The following HGSNAT variants were observed in gnomAD, a reference collection of about 807,000 sequenced individuals.
The protein encoded by HGSNAT is transmembrane protein 76.
A neutral mutation model predicts 85.2 loss-of-function variants in HGSNAT; 59 were observed. That is an observed-to-expected ratio of 0.69 (90% CI 0.56 to 0.86). The LOEUF (loss-of-function observed/expected upper bound fraction) is 0.86, where lower values mean the gene tolerates loss of function less well. HGSNAT is among the 40% of genes least tolerant of loss of function. HGSNAT has a pLI of 0.00. For synonymous variants in HGSNAT, 321 were observed against 304.5 expected, an observed-to-expected ratio of 1.05 and a Z score of -0.56; for missense variants, 756 against 777.1, an observed-to-expected ratio of 0.97 and a Z score of 0.32.
chr8:43,165,264 GTAAT>G (rs1803398688), intron 5 of HGSNAT, among the ~76,000 whole-genome samples: 1 of 151,986 alleles, frequency 6.6e-6, no homozygotes, highest in African/African-American at 2.4e-5. Context: ...TGCTCCTACT[GTAAT>G]TGTTTTGGGA....
chr8:43,155,586 C>CT (rs1803065358), intron 2 of HGSNAT, among the ~76,000 whole-genome samples: 2 of 152,066 alleles, frequency 1.3e-5, no homozygotes, highest in Admixed American at 6.6e-5. Flanking sequence ...TGTGCATAGG[C>CT]TTTTTTACTT....
In HGSNAT at chr8:43,197,695, G is replaced by A. The variant is rs759205088; in HGVS notation, c.1566G>A (p.Thr522=). 1.2e-5 allele frequency: 20 copies of A among 1,613,056 alleles called. No homozygotes were observed. The highest frequency in any genetic ancestry group is 8.8e-5 in the South Asian group (8 of 91,064). ...CILGLISVAL[T]KVSENEGFIP... The stretch of plus-strand genomic sequence containing the variant: ...AGGGGCTCATTTCTGTTGCTCTGAC[G>A]AAGGTTTCTGAAAATGAAGGCTTTA... Residue 522 remains threonine (T), a synonymous_variant, in exon 16 of 18, where the codon ACG becomes ACA. Coordinates refer to ENST00000379644, the MANE Select transcript of HGSNAT (RefSeq NM_152419.3).
rs2130766732 is a variant in HGSNAT, at chr8:43,178,228, G to T, written c.1006G>T (p.Gly336Cys). The change falls in exon 10 of 18, where the codon GGT (glycine) becomes TGT (cysteine). Residue 336 changes from glycine to cysteine, a missense_variant. Transcript: ENST00000379644. ...CATTGTGAATCCCAATTATTGCCTT[G>T]GTCCATGTAAGTACTTTTTCCCTCT... is the stretch of plus-strand genomic sequence containing the variant. ...IIIVNPNYCL[G>C]PLSWDKVRIP... The T allele has an allele frequency of 1.3e-6, 2 of 1,527,812 alleles. No homozygotes were observed. Among genetic ancestry groups the T allele is most frequent in the Non-Finnish European group, 1.8e-6 (2 of 1,141,172 alleles). 94.6% of individuals were successfully genotyped at this position (1,527,812 alleles called of 1,614,324 possible).
In HGSNAT at chr8:43,172,349, A is replaced by T. The variant is rs1803654142; in HGVS notation, c.783A>T (p.Gly261=). Residue 261 remains glycine, a synonymous_variant, in exon 8 of 18, where the codon GGA becomes GGT. Transcript: ENST00000379644. ...TCATGGTCTTTGTCAATTATGGAGGAGGAAAATATTGGTACTTCAAACATG... is the reference window on the plus strand; with the variant it reads ...TCATGGTCTTTGTCAATTATGGAGGTGGAAAATATTGGTACTTCAAACATG... ...LILMVFVNYG[G]GKYWYFKHAS... is the part of the protein sequence containing the mutation. The T allele has an allele frequency of 1.2e-6, 2 of 1,612,116 alleles. No homozygotes were observed. Among genetic ancestry groups the T allele is most frequent in the African/African-American group, 2.7e-5 (2 of 74,864 alleles).
At chr8:43,189,759 C>G (rs1804462423) in intron 11 of HGSNAT, among the ~76,000 whole-genome samples, 1 of 152,196 alleles carries the variant, frequency 6.6e-6, no homozygotes, top group Admixed American at 6.5e-5. Flanking sequence ...CCACGCCCAG[C>G]TAATTTTTTG....
chr8:43,141,525 C>T (rs1033862823), intron 1 of HGSNAT, among the ~76,000 whole-genome samples: 2 of 152,122 alleles, frequency 1.3e-5, no homozygotes, highest in African/African-American at 4.8e-5. Flanking sequence ...TTCGCACACG[C>T]CCCTCCCAGA....
At chr8:43,187,892 T>G (rs1804375701) in intron 11 of HGSNAT, among the ~76,000 whole-genome samples, 1 of 152,218 alleles carries the variant, frequency 6.6e-6, no homozygotes, top group Non-Finnish European at 1.5e-5. Flanking sequence ...TATTTCTCTT[T>G]CACTTATGAA....
rs1242120353 is a variant in HGSNAT, at chr8:43,179,312, G to A, written c.1012+1078G>A. 4.7e-5 allele frequency among the ~76,000 whole-genome samples: 7 copies of A among 150,482 alleles called. No individual in the cohort carries two copies. In the East Asian group the frequency reaches 8.0e-4, roughly 17 times the overall value. On this transcript the variant is annotated intron_variant, in intron 10 of 17. Coordinates refer to ENST00000379644, the MANE Select transcript of HGSNAT (RefSeq NM_152419.3). Reference sequence around the variant, plus strand: ...GGGCTCCTCACTTCCCAGTAGGGGCGGCCGGGCAGAGGCGCCCCTCACCTC... The same window carrying A: ...GGGCTCCTCACTTCCCAGTAGGGGCAGCCGGGCAGAGGCGCCCCTCACCTC...
intron 12 of HGSNAT, among the ~76,000 whole-genome samples, chr8:43,191,844 G>A (rs1045894028): frequency 1.3e-5 from 2 of 152,076 alleles, no homozygotes; most frequent in African/African-American, 2.4e-5. Context: ...GTCAGTGAGC[G>A]TGCATGAGCC....
rs570575718 is a variant in HGSNAT, at chr8:43,185,614, T to C, written c.1128+3354T>C. ...ACAATTTGACTTCCTCCTTTCCTAA[T>C]TGAATACCTTTTATTTCTTTCTCCT... On this transcript the variant is annotated intron_variant, in intron 11 of 17. Transcript: ENST00000379644. Among the ~76,000 whole-genome samples, 64 of 152,338 alleles carry C rather than the reference T, an allele frequency of 4.2e-4. 1 individual carries two copies. The highest frequency in any genetic ancestry group is 3.4e-3 in the Middle Eastern group (1 of 294).
intron 10 of HGSNAT, among the ~76,000 whole-genome samples, chr8:43,178,594 C>CTTTTT (rs58996359): frequency 1.0e-5 from 1 of 96,916 alleles, no homozygotes; most frequent in Admixed American, 9.8e-5. Flanking sequence ...CATCAGCTTT[C>CTTTTT]TTTTTTTTTT....
chr8:43,187,586 C>G (rs1804362888), intron 11 of HGSNAT, among the ~76,000 whole-genome samples: 1 of 152,176 alleles, frequency 6.6e-6, no homozygotes, highest in South Asian at 2.1e-4. Flanking sequence ...TGGGTCTTGA[C>G]TCTTTATCCA....
chr8:43,141,677 A>C (rs1467117725), intron 1 of HGSNAT, among the ~76,000 whole-genome samples: 1 of 151,944 alleles, frequency 6.6e-6, no homozygotes, highest in Admixed American at 6.6e-5. Flanking sequence ...CTCCTCTCCA[A>C]GCAGAAGCTG....
In HGSNAT at chr8:43,193,761, T is replaced by G. The variant is rs1396963169; in HGVS notation, c.1382T>G (p.Leu461Arg). Reference protein sequence around the residue: ...HLYQHPSSAVLYHTEVAYDPE... With the variant: ...HLYQHPSSAVRYHTEVAYDPE... ...CTTCTGCTTCTGTTTGTTAAGGTAC[T>G]TTACCACACCGAGGTGGCCTATGAC... The change falls in exon 14 of 18, where the codon CTT becomes CGT. Residue 461 changes from leucine (L) to arginine (R), a missense_variant. By Grantham distance (102) the Leu-to-Arg change is moderately radical (BLOSUM62 -2). Transcript: ENST00000379644. 19 of 1,612,392 alleles carry G rather than the reference T, an allele frequency of 1.2e-5. No homozygotes were observed. In the South Asian group the frequency reaches 2.1e-4, roughly 18 times the overall value.
chr8:43,181,125 G>A (rs1436343432), intron 10 of HGSNAT, among the ~76,000 whole-genome samples: 1 of 230 alleles, frequency 4.3e-3, no homozygotes, highest in African/African-American at 0.021. Context: ...GGGAGAGGGA[G>A]AGGGAGAGGG....
Position 43,158,592 on chromosome 8 carries a change from G to C in HGSNAT, c.252G>C (p.Leu84=). ...ATTTACAGTGCTTGTTTCAGGTTCTGGTAAACGTTCCTCAGAGTCCAAAAG... is the reference window on the plus strand; with the variant it reads ...ATTTACAGTGCTTGTTTCAGGTTCTCGTAAACGTTCCTCAGAGTCCAAAAG... ...ECCYHCLFQV[L]VNVPQSPKAG... is the part of the protein sequence containing the mutation. Residue 84 remains leucine, a synonymous_variant, in exon 3 of 18, where the codon CTG becomes CTC. Coordinates refer to ENST00000379644, the MANE Select transcript of HGSNAT (RefSeq NM_152419.3). 2 of 1,613,868 alleles carry C rather than the reference G, an allele frequency of 1.2e-6. No individual in the cohort carries two copies. The highest frequency in any genetic ancestry group is 1.7e-6 in the Non-Finnish European group (2 of 1,179,826).
At chr8:43,168,320 A>G (rs1460395760) in intron 5 of HGSNAT, among the ~76,000 whole-genome samples, 1 of 145,530 alleles carries the variant, frequency 6.9e-6, no homozygotes. Flanking sequence ...GTGTGCACAT[A>G]TGCATTTTTG....
At chr8:43,198,711 T>G (rs1357599728) in intron 17 of HGSNAT, among the ~76,000 whole-genome samples, 1 of 152,160 alleles carries the variant, frequency 6.6e-6, no homozygotes, top group Non-Finnish European at 1.5e-5. Context: ...TAGATGCAGT[T>G]CCAACCGAGG....
chr8:43,179,938 AC>A (rs1169134053), intron 10 of HGSNAT, among the ~76,000 whole-genome samples: 4 of 21,866 alleles, frequency 1.8e-4, no homozygotes, highest in Admixed American at 3.9e-4. Flanking sequence ...CGGGGGGCTG[AC>A]CCCCCCACCT....
Sources: gnomAD v4.1 joint callset for allele counts (sites outside exome capture counted in the v4.1 genomes callset) on GRCh38, gnomAD v4.1.1 for gene constraint, MANE v1.5 for transcripts, NCBI Gene and HGNC (gene_info 2026-07-23, HGNC 2026-07-21) for gene names.